The following RCL1 variants were observed in gnomAD, a reference collection of about 807,000 sequenced individuals.
RCL1 encodes the protein RNA 3'-terminal phosphate cyclase-like protein.
In RCL1, 24 loss-of-function variants were observed where a neutral mutation model predicts 42.4. The observed-to-expected ratio is 0.57, with a 90% CI of 0.41 to 0.80. RCL1 has a LOEUF of 0.80. Among genes scored for constraint, RCL1 ranks in the 30% least tolerant of loss-of-function variants. The pLI, the probability that RCL1 is intolerant of heterozygous loss-of-function variation, is 0.00. For synonymous variants in RCL1, 228 were observed against 177.3 expected (o/e 1.29, Z -2.27); for missense variants, 578 against 467.9 (o/e 1.24, Z -2.17).
intron 8 of RCL1, among the ~76,000 whole-genome samples, chr9:4,852,841 C>A (rs1335332644): frequency 6.6e-6 from 1 of 151,504 alleles, no homozygotes; most frequent in Non-Finnish European, 1.5e-5. Context: ...GTAGCCCGGT[C>A]AGGTCACTTT....
chr9:4,807,190 A>G (rs1816003738), intron 1 of RCL1, among the ~76,000 whole-genome samples: 2 of 151,988 alleles, frequency 1.3e-5, no homozygotes, highest in African/African-American at 4.8e-5. Context: ...GACGTTGTCA[A>G]TTTTATTGAT....
intron 1 of RCL1, among the ~76,000 whole-genome samples, chr9:4,798,822 G>A (rs1356068993): frequency 2.0e-5 from 3 of 151,214 alleles, no homozygotes; most frequent in Admixed American, 6.6e-5. Context: ...TTGTGCCTCT[G>A]ATGACAAAGT....
chr9:4,846,544 G>A (rs181538421), intron 7 of RCL1, among the ~76,000 whole-genome samples: 6 of 149,158 alleles, frequency 4.0e-5, no homozygotes, highest in Admixed American at 3.4e-4. Context: ...CTTAATTCAC[G>A]AAGTTTGTGG....
At chr9:4,859,998 G>A (rs529327631) in intron 8 of RCL1, 127 bp from the exon 9 acceptor site, 26 of 594,274 alleles carry the variant, frequency 4.4e-5, no homozygotes, top group Admixed American at 1.4e-4. Context: ...AATCAGATTC[G>A]ATGAGAAGGT....
intron 8 of RCL1, among the ~76,000 whole-genome samples, chr9:4,852,768 A>AT (rs1817795304): frequency 7.8e-5 from 4 of 51,292 alleles, no homozygotes; most frequent in African/African-American, 1.2e-4. Flanking sequence ...TGGTCAGGTC[A>AT]CTTTTTTTTT....
chr9:4,814,749 A>T (rs1039742805), intron 1 of RCL1, among the ~76,000 whole-genome samples: 1 of 151,784 alleles, frequency 6.6e-6, no homozygotes, highest in African/African-American at 2.4e-5. Flanking sequence ...CATGGTAGTG[A>T]TTATCATTTT....
chr9:4,827,595 T>C (rs770193033), intron 3 of RCL1, among the ~76,000 whole-genome samples: 13 of 152,312 alleles, frequency 8.5e-5, no homozygotes, highest in South Asian at 2.1e-4. Context: ...TATTTTATTT[T>C]TTTTCACCAA....
At chr9:4,858,175 C>T (rs2129755749) in intron 8 of RCL1, among the ~76,000 whole-genome samples, 1 of 152,174 alleles carries the variant, frequency 6.6e-6, no homozygotes, top group South Asian at 2.1e-4. Flanking sequence ...CATGCCTGTA[C>T]TCTCCCATCG....
chr9:4,826,369 A>G (rs1816762721), intron 2 of RCL1, among the ~76,000 whole-genome samples: 1 of 152,226 alleles, frequency 6.6e-6, no homozygotes, highest in East Asian at 1.9e-4. Flanking sequence ...TAAAAGACCT[A>G]CTATTAATGG....
At chr9:4,813,596 T>C (rs1017190561) in intron 1 of RCL1, among the ~76,000 whole-genome samples, 9 of 152,196 alleles carry the variant, frequency 5.9e-5, no homozygotes, top group African/African-American at 2.2e-4. Context: ...GGTGGGAGTG[T>C]AAACTAGTTC....
At chr9:4,800,362 C>T (rs1335612600) in intron 1 of RCL1, among the ~76,000 whole-genome samples, 2 of 151,352 alleles carry the variant, frequency 1.3e-5, no homozygotes, top group Admixed American at 6.6e-5. Context: ...TTACAGGCAC[C>T]CACCACCATG....
intron 3 of RCL1, 103 bp from the exon 4 acceptor site, chr9:4,833,051 C>T (rs1817000234): frequency 2.6e-6 from 2 of 760,376 alleles, no homozygotes; most frequent in Non-Finnish European, 4.7e-6. Context: ...CTGTTTACCA[C>T]ACTGCATCAT....
At chr9:4,829,671 G>A (rs918249919) in intron 3 of RCL1, among the ~76,000 whole-genome samples, 4 of 152,164 alleles carry the variant, frequency 2.6e-5, no homozygotes, top group South Asian at 2.1e-4. Flanking sequence ...CATCTTTCAC[G>A]TGTTTTTCCT....
chr9:4,801,437 G>T (rs1587691887), intron 1 of RCL1, among the ~76,000 whole-genome samples: 2 of 152,172 alleles, frequency 1.3e-5, no homozygotes, highest in East Asian at 3.9e-4. Context: ...TTTCCAAGGT[G>T]TAATTCCTAA....
intron 1 of RCL1, among the ~76,000 whole-genome samples, chr9:4,802,074 A>ATTTTTTT (rs34756856): frequency 0.028 from 2,593 of 94,216 alleles, no homozygotes; most frequent in Non-Finnish European, 0.037. Context: ...ACGCCTGGCT[A>ATTTTTTT]TTTTTTTTTT....
At chr9:4,832,465 TG>T (rs925958887) in intron 3 of RCL1, among the ~76,000 whole-genome samples, 1 of 152,098 alleles carries the variant, frequency 6.6e-6, no homozygotes, top group African/African-American at 2.4e-5. Context: ...ACTGGACAAA[TG>T]TTAATGAAAA....
At chr9:4,825,364 C>T (rs1816724669) in intron 2 of RCL1, among the ~76,000 whole-genome samples, 1 of 152,148 alleles carries the variant, frequency 6.6e-6, no homozygotes, top group African/African-American at 2.4e-5. Context: ...GGATTTGAAG[C>T]ATTTAGTGAA....
intron 1 of RCL1, among the ~76,000 whole-genome samples, chr9:4,796,179 C>A (rs1445413727): frequency 6.6e-6 from 1 of 152,018 alleles, no homozygotes; most frequent in South Asian, 2.1e-4. Flanking sequence ...TCTGGTGTAC[C>A]CATTATCCAA....
At chr9:4,810,719 G>A (rs1250263673) in intron 1 of RCL1, among the ~76,000 whole-genome samples, 1 of 152,106 alleles carries the variant, frequency 6.6e-6, no homozygotes, top group Non-Finnish European at 1.5e-5. Context: ...TTTCCCAAGT[G>A]GTTGTACAAA....
Sources: gnomAD v4.1 joint callset for allele counts (sites outside exome capture counted in the v4.1 genomes callset) on GRCh38, gnomAD v4.1.1 for gene constraint, MANE v1.5 for transcripts, NCBI Gene and HGNC (gene_info 2026-07-23, HGNC 2026-07-21) for gene names.